Variants in AGBL4 observed in about 807,000 individuals in gnomAD.
The protein encoded by AGBL4 is AGBL carboxypeptidase 4, also known as cytosolic carboxypeptidase 6.
In AGBL4, 58 loss-of-function variants were observed where a neutral mutation model predicts 66.4. The observed-to-expected ratio is 0.87, with a 90% CI of 0.71 to 1.09. AGBL4 has a LOEUF of 1.09. Ranked by LOEUF, AGBL4 falls within the 50% of genes least tolerant of loss-of-function variation. The probability of loss-of-function intolerance (pLI) is 0.00; values close to 1 mark genes in which losing one functional copy is unlikely to be tolerated. For missense variants in AGBL4, 579 were observed against 631.0 expected (o/e 0.92, Z 0.88); for synonymous variants, 234 against 222.9 (o/e 1.05, Z -0.44).
chr1:49,194,598 G>T (rs1044267326), intron 4 of AGBL4, among the ~76,000 whole-genome samples: 25 of 150,414 alleles, frequency 1.7e-4, no homozygotes, highest in Non-Finnish European at 2.4e-4. Context: ...TTTCTTGTTT[G>T]TTTTTTTTTC....
intron 2 of AGBL4, among the ~76,000 whole-genome samples, chr1:49,831,421 G>A (rs1468284050): frequency 6.6e-6 from 1 of 152,068 alleles, no homozygotes; most frequent in Admixed American, 6.6e-5. Flanking sequence ...TCTATTATTG[G>A]TGTATAGGAA....
At chr1:48,737,677 C>A (rs4926749) in intron 6 of AGBL4, among the ~76,000 whole-genome samples, 78,409 of 152,014 alleles carry the variant, frequency 0.52, 23,914 homozygotes, top group Non-Finnish European at 0.71. Flanking sequence ...AATGTTCCAG[C>A]AATAAGCTAT....
At chr1:48,694,924 T>C (rs1052286111) in intron 6 of AGBL4, among the ~76,000 whole-genome samples, 4 of 152,172 alleles carry the variant, frequency 2.6e-5, no homozygotes, top group African/African-American at 9.7e-5. Context: ...ATCACCAATG[T>C]GCCTTTCTGT....
intron 3 of AGBL4, among the ~76,000 whole-genome samples, chr1:49,444,077 CTCTTGGTATTGTTT>C (rs1646098065): frequency 6.6e-6 from 1 of 151,292 alleles, no homozygotes; most frequent in South Asian, 2.1e-4. Context: ...TCCAAAGTTC[CTCTTGGTATTGTTT>C]TCTAGTTTTA....
chr1:49,311,808 T>C (rs1409614077), intron 3 of AGBL4, among the ~76,000 whole-genome samples: 1 of 151,880 alleles, frequency 6.6e-6, no homozygotes, highest in Non-Finnish European at 1.5e-5. Flanking sequence ...AAAAGAGTAA[T>C]AAAGGGAGAC....
At chr1:49,289,845 T>C (rs1006611344) in intron 3 of AGBL4, among the ~76,000 whole-genome samples, 44 of 152,058 alleles carry the variant, frequency 2.9e-4, no homozygotes, top group African/African-American at 1.1e-3. Flanking sequence ...AAGAACACAG[T>C]AAATATAGGC....
intron 3 of AGBL4, among the ~76,000 whole-genome samples, chr1:49,417,564 G>A (rs778590869): frequency 5.9e-5 from 9 of 152,120 alleles, no homozygotes; most frequent in Non-Finnish European, 7.4e-5. Context: ...TCAGTTTTAA[G>A]AGACTAGAGA....
intron 5 of AGBL4, among the ~76,000 whole-genome samples, chr1:48,871,499 G>T (rs1472634049): frequency 6.6e-6 from 1 of 152,050 alleles, no homozygotes; most frequent in Non-Finnish European, 1.5e-5. Flanking sequence ...GGATTCTATG[G>T]ACTACTGAAG....
chr1:48,530,003 C>T (rs997176927), downstream of AGBL4, among the ~76,000 whole-genome samples: 1 of 151,796 alleles, frequency 6.6e-6, no homozygotes, highest in African/African-American at 2.4e-5. Flanking sequence ...AGCCTGTAAA[C>T]TTAACATGCT....
At chr1:48,781,121 T>C (rs1040536791) in intron 6 of AGBL4, among the ~76,000 whole-genome samples, 2 of 152,182 alleles carry the variant, frequency 1.3e-5, no homozygotes, top group Non-Finnish European at 2.9e-5. Flanking sequence ...TCCCTACCCA[T>C]GTCACTGTAA....
chr1:48,930,572 A>G (rs994597953), intron 5 of AGBL4, among the ~76,000 whole-genome samples: 12 of 152,208 alleles, frequency 7.9e-5, no homozygotes, highest in Non-Finnish European at 5.9e-5. Context: ...GAATAATAGC[A>G]CAAAATGACT....
chr1:49,476,521 T>C (rs1013778300), intron 3 of AGBL4, among the ~76,000 whole-genome samples: 1 of 152,182 alleles, frequency 6.6e-6, no homozygotes. Context: ...TCCCCCACTA[T>C]TATTGGTGGC....
At chr1:48,577,923 A>C (rs190830888) in intron 11 of AGBL4, among the ~76,000 whole-genome samples, 1 of 152,192 alleles carries the variant, frequency 6.6e-6, no homozygotes, top group Admixed American at 6.5e-5. Context: ...TTAGATAAAA[A>C]CCTAACAGGC....
chr1:48,816,771 A>T (rs762021399), intron 6 of AGBL4, among the ~76,000 whole-genome samples: 1 of 152,240 alleles, frequency 6.6e-6, no homozygotes, highest in African/African-American at 2.4e-5. Flanking sequence ...GATGAATAAG[A>T]TATGGTTCTG....
chr1:49,414,029 T>C (rs1474438427), intron 3 of AGBL4, among the ~76,000 whole-genome samples: 1 of 152,170 alleles, frequency 6.6e-6, no homozygotes, highest in Non-Finnish European at 1.5e-5. Context: ...AAAGGTCTTA[T>C]GATCCAGTTA....
At chr1:48,781,591 G>A (rs1645293883) in intron 6 of AGBL4, among the ~76,000 whole-genome samples, 1 of 152,200 alleles carries the variant, frequency 6.6e-6, no homozygotes, top group African/African-American at 2.4e-5. Flanking sequence ...AATCATTGTT[G>A]AATCCCCTCT....
chr1:48,542,904 G>A (rs1235591796), intron 11 of AGBL4, among the ~76,000 whole-genome samples: 1 of 152,202 alleles, frequency 6.6e-6, no homozygotes, highest in Non-Finnish European at 1.5e-5. Flanking sequence ...CAGTCATGAA[G>A]TCTTTCGTGC....
chr1:49,842,289 T>C, intron 2 of AGBL4: 1 of 473,338 alleles, frequency 2.1e-6, no homozygotes. Flanking sequence ...CTGGTCTCTG[T>C]AGGACATTGG....
chr1:48,562,541 T>C (rs373247988), intron 11 of AGBL4, among the ~76,000 whole-genome samples: 1 of 152,232 alleles, frequency 6.6e-6, no homozygotes, highest in African/African-American at 2.4e-5. Flanking sequence ...TCTGTTCATA[T>C]CTTTTACTTA....
Sources: gnomAD v4.1 joint callset for allele counts (sites outside exome capture counted in the v4.1 genomes callset) on GRCh38, gnomAD v4.1.1 for gene constraint, MANE v1.5 for transcripts, NCBI Gene and HGNC (gene_info 2026-07-23, HGNC 2026-07-21) for gene names.